Variants in ADGRF3 observed in about 807,000 individuals in gnomAD.
ADGRF3 encodes G protein-coupled receptor 113.
ADGRF3 carries 85 observed loss-of-function variants against 93.2 expected under a neutral mutation model. The observed-to-expected ratio is 0.91, with a 90% CI of 0.77 to 1.09. ADGRF3 has a LOEUF of 1.09. Ranked by LOEUF, ADGRF3 falls within the 50% of genes least tolerant of loss-of-function variation. The pLI is 0.00. For missense variants in ADGRF3, 1,125 were observed against 1,246.2 expected (o/e 0.90, Z 1.46); for synonymous variants, 534 against 532.5 (o/e 1.00, Z -0.04).
In ADGRF3 at chr2:26,314,567, C is replaced by T. The variant is rs765525956; in HGVS notation, c.775G>A (p.Val259Met). 1.2e-6 allele frequency: 2 copies of T among 1,614,078 alleles called. No homozygotes were observed. Among genetic ancestry groups the T allele is most frequent in the Non-Finnish European group, 8.5e-7 (1 of 1,179,904 alleles). The change falls in exon 6 of 14, where the codon GTG becomes ATG. Residue 259 changes from valine to methionine, a missense_variant. Val to Met is a conservative substitution (Grantham distance 21). Transcript: ENST00000651242. ...QGFKWNLYEV[V>M]RVPLKATDVA... ...TCTGTCGCCTTCAAGGGCACCCTCA[C>T]CACCTCATACAGGTTCCACTTGAAG...
At position 26,311,383 on chromosome 2, in the gene ADGRF3, A is replaced by G. The variant is rs866452072; in HGVS notation, c.2141T>C (p.Ile714Thr). 4.3e-6 allele frequency: 7 copies of G among 1,614,012 alleles called. No homozygotes were observed. The Middle Eastern group carries it at 8.2e-4, about 190-fold the overall frequency. Residue 714 changes from isoleucine to threonine, a missense_variant, in exon 10 of 14, where the codon ATA becomes ACA. Physicochemically the swap from Ile to Thr is moderately conservative, Grantham distance 89 (BLOSUM62 -1). Transcript: ENST00000651242. ...LLTQVGLGAS[I>T]LALLVCLGVY... ...ACCCAGGCACACAAGCAGCGCCAGT[A>G]TGGAAGCTCCCAAGCCCACTTGAGT... is the stretch of plus-strand genomic sequence containing the variant.
At chr2:26,313,340 T>G in intron 8 of ADGRF3, 37 bp downstream of exon 8, 1 of 1,521,876 alleles carries the variant, frequency 6.6e-7, no homozygotes, top group Non-Finnish European at 8.8e-7. Context: ...GGGTGGGCCG[T>G]GGAGGGGGCA....
chr2:26,332,110 T>C (rs1675801635), intron 1 of ADGRF3, among the ~76,000 whole-genome samples: 1 of 152,234 alleles, frequency 6.6e-6, no homozygotes, highest in Non-Finnish European at 1.5e-5. Flanking sequence ...TCAAGGAGTT[T>C]AGAACACTTT....
Position 26,316,936 on chromosome 2 carries a change from G to A in ADGRF3, c.301C>T (p.Leu101Phe), listed in dbSNP as rs1438414371. The A allele has an allele frequency of 1.2e-6, 2 of 1,611,944 alleles. No homozygotes were observed. Among genetic ancestry groups the A allele is most frequent in the South Asian group, 1.1e-5 (1 of 90,838 alleles). The change falls in exon 3 of 14, where the codon CTC becomes TTC. Residue 101 changes from leucine (L) to phenylalanine (F), a missense_variant. Coordinates refer to ENST00000651242, the MANE Select transcript of ADGRF3 (RefSeq NM_001321971.2). ...CCTGTTGTGAGTCTGAGGCCAGTGA[G>A]AAGAGGCCTTGGGGAAGAGGAAGCT... ...ASASSSPRPLLTGLRLTTECN... is the reference protein window; with the variant it reads ...ASASSSPRPLFTGLRLTTECN...
chr2:26,315,901 G>T, intron 4 of ADGRF3, 161 bp from the exon 5 acceptor site: 1 of 1,091,988 alleles, frequency 9.2e-7, no homozygotes, highest in Non-Finnish European at 1.3e-6. Flanking sequence ...ACCTGAATGT[G>T]GCTGCTGCAA....
chr2:26,335,567 A>G (rs1675991061), intron 1 of ADGRF3, among the ~76,000 whole-genome samples: 1 of 152,144 alleles, frequency 6.6e-6, no homozygotes, highest in African/African-American at 2.4e-5. Context: ...GCATTTTTCC[A>G]CAGGAGCTGT....
intron 1 of ADGRF3, among the ~76,000 whole-genome samples, chr2:26,323,633 GTT>G (rs71399383): frequency 2.9e-5 from 4 of 138,862 alleles, no homozygotes; most frequent in African/African-American, 5.3e-5. Context: ...TTCTGTGTTT[GTT>G]TTTTTTTTTT....
At position 26,313,841 on chromosome 2, in the gene ADGRF3, C is replaced by T. The variant is rs1674418817; in HGVS notation, c.991G>A (p.Ala331Thr). The T allele has an allele frequency of 6.2e-7, 1 of 1,613,876 alleles. No homozygotes were observed. Among genetic ancestry groups the T allele is most frequent in the Non-Finnish European group, 8.5e-7 (1 of 1,179,892 alleles). Reference protein sequence around the residue: ...FVLAVQRCPMADTTYACDLQS... With the variant: ...FVLAVQRCPMTDTTYACDLQS... ...AGGTCACAAGCGTACGTGGTGTCAG[C>T]CATCGGGCAGCGCTGAACAGCCAGC... The change falls in exon 7 of 14, where the codon GCT (alanine) becomes ACT (threonine). Residue 331 changes from alanine (A) to threonine (T), a missense_variant. By Grantham distance (58) the Ala-to-Thr change is moderately conservative. Coordinates refer to ENST00000651242, the MANE Select transcript of ADGRF3 (RefSeq NM_001321971.2).
chr2:26,339,080 A>C lies in ADGRF3; in HGVS notation c.114+7041T>G, dbSNP rs545652785. On this transcript the variant is annotated intron_variant, in intron 1 of 13. Coordinates refer to ENST00000651242, the MANE Select transcript of ADGRF3 (RefSeq NM_001321971.2). Reference sequence around the variant, plus strand: ...CAGTGAGCCAAGATTGCGCCACTGCACTCCAGCCTGGGCAACAGAGTAAGA... The same window carrying C: ...CAGTGAGCCAAGATTGCGCCACTGCCCTCCAGCCTGGGCAACAGAGTAAGA... Among the ~76,000 whole-genome samples the C allele has an allele frequency of 8.9e-4, 123 of 138,454 alleles. 1 individual carries two copies. Among genetic ancestry groups the C allele is most frequent in the African/African-American group, 3.1e-3 (112 of 35,896 alleles). The allele number at this position is 138,454 out of a possible 152,430, so 90.8% of individuals were successfully genotyped here. A position where few individuals can be genotyped will look rare whatever the true frequency, so the allele number is the denominator to read the frequency against.
rs562345429 is a variant in ADGRF3 at position 26,310,289 on chromosome 2, G to C, written c.2833-52C>G. ...TGGTCAAGGAGGAAGGGATCCACCC[G>C]AATCAACATGCTCCTTCTGTCCTGT... On this transcript the variant is annotated intron_variant, in intron 10 of 13. Transcript: ENST00000651242. 1.9e-6 allele frequency: 3 copies of C among 1,580,434 alleles called. No homozygotes were observed. The South Asian group carries it at 3.3e-5, about 18-fold the overall frequency.
intron 1 of ADGRF3, among the ~76,000 whole-genome samples, chr2:26,335,099 T>C (rs1675964850): frequency 6.6e-6 from 1 of 152,240 alleles, no homozygotes; most frequent in Admixed American, 6.5e-5. Flanking sequence ...CAATGGTGTT[T>C]AGTATATTCA....
Position 26,315,699 on chromosome 2 carries a change from C to CA in ADGRF3, c.540dup (p.Gly181TrpfsTer2). ...TGGAGAGTCAGGCTCAGCGTGTCAC[C>CA]AGGCATCTGCAGCTGGGAGTTCAGG... On this transcript the variant is annotated frameshift_variant, in exon 5 of 14. Coordinates refer to ENST00000651242, the MANE Select transcript of ADGRF3 (RefSeq NM_001321971.2). LOFTEE classifies it high-confidence loss of function. 1 of 1,551,478 alleles carries CA rather than the reference C, an allele frequency of 6.4e-7. No homozygotes were observed. Among genetic ancestry groups the CA allele is most frequent in the Non-Finnish European group, 8.7e-7 (1 of 1,146,968 alleles).
chr2:26,330,334 G>T (rs1675693596), intron 1 of ADGRF3, among the ~76,000 whole-genome samples: 1 of 152,116 alleles, frequency 6.6e-6, no homozygotes, highest in Non-Finnish European at 1.5e-5. Flanking sequence ...AAAACTGTCT[G>T]GGGTCATCTT....
chr2:26,316,299 C>T lies in ADGRF3; in HGVS notation c.475G>A (p.Gly159Arg), dbSNP rs181139575. 272 of 1,551,674 alleles carry T rather than the reference C, an allele frequency of 1.8e-4. No homozygotes were observed. The highest frequency in any genetic ancestry group is 5.7e-4 in the African/African-American group (42 of 73,148). ...CCAGGTGGCAGCAACTGGCAGTACC[C>T]GGGTTCGGGATGGCTGAAGACAAGG... The part of the protein sequence containing the change: ...GCLVFSHPEP[G>R]YCQLLPPVPG... The change falls in exon 4 of 14, where the codon GGG becomes AGG. Residue 159 changes from glycine to arginine, a missense_variant. Physicochemically the swap from Gly to Arg is moderately radical, Grantham distance 125 (BLOSUM62 -2). Transcript: ENST00000651242.
At chr2:26,319,557 C>CCCTCCCTCCCTCCCTTCCTT in intron 1 of ADGRF3, among the ~76,000 whole-genome samples, 1 of 31,720 alleles carries the variant, frequency 3.2e-5, no homozygotes, top group Non-Finnish European at 7.4e-5. Context: ...CTCCCTCCCT[C>CCCTCCCTCCCTCCCTTCCTT]CCTCCCTCCC....
intron 1 of ADGRF3, among the ~76,000 whole-genome samples, chr2:26,340,872 T>C (rs1240887559): frequency 2.6e-5 from 4 of 152,108 alleles, no homozygotes; most frequent in Non-Finnish European, 4.4e-5. Context: ...TTAACAGACA[T>C]GCTCATGAGT....
chr2:26,341,139 G>A (rs1041141614), intron 1 of ADGRF3, among the ~76,000 whole-genome samples: 2 of 152,188 alleles, frequency 1.3e-5, no homozygotes, highest in African/African-American at 4.8e-5. Context: ...AGCACTTTGT[G>A]TGGCCAAGGT....
intron 6 of ADGRF3, 57 bp from the exon 7 acceptor site, chr2:26,313,960 A>G: frequency 2.5e-6 from 4 of 1,601,136 alleles, no homozygotes; most frequent in Middle Eastern, 1.7e-4. Context: ...CCTGGAACCC[A>G]GCAGGCTCTG....
At chr2:26,317,621 G>T in intron 1 of ADGRF3, 59 bp from the exon 2 acceptor site, 2 of 1,444,098 alleles carry the variant, frequency 1.4e-6, no homozygotes, top group South Asian at 1.2e-5. Context: ...CCAGGGGCCA[G>T]CCTGACTAGT....
Sources: allele counts gnomAD v4.1 joint callset (sites outside exome capture counted in the v4.1 genomes callset), GRCh38; gene constraint gnomAD v4.1.1; transcripts MANE v1.5; gene names NCBI Gene and HGNC (gene_info 2026-07-23, HGNC 2026-07-21).